CSMD1: variants seen among roughly 807,000 people sequenced by gnomAD.
CSMD1 encodes CUB and Sushi multiple domains 1.
Under a neutral mutation model 417.5 loss-of-function variants are expected in CSMD1, and 213 were observed. The ratio of observed to expected loss-of-function variants is 0.51; its 90% confidence interval spans 0.46 to 0.57. The LOEUF (loss-of-function observed/expected upper bound fraction) is 0.57. CSMD1 is among the 20% of genes least tolerant of loss of function. CSMD1 has a pLI of 0.00. For missense variants in CSMD1, 6,923 were observed against 4,529.7 expected, an observed-to-expected ratio of 1.53 and a Z score of -15.17; for synonymous variants, 2,862 against 1,736.8, an observed-to-expected ratio of 1.65 and a Z score of -16.11.
At chr8:4,353,622 G>C (rs373508194) in intron 3 of CSMD1, among the ~76,000 whole-genome samples, 1 of 151,894 alleles carries the variant, frequency 6.6e-6, no homozygotes, top group Admixed American at 6.6e-5. Context: ...AAAGAGCAGA[G>C]TCACGCCCAA....
rs144529298 is a variant in CSMD1, at chr8:4,044,501, G to C, written c.416-12402C>G. 1.9e-3 allele frequency among the ~76,000 whole-genome samples: 293 copies of C among 152,324 alleles called. 3 individuals are homozygous for C. Among genetic ancestry groups the C allele is most frequent in the African/African-American group, 6.9e-3 (287 of 41,566 alleles). On this transcript the variant is annotated intron_variant, in intron 3 of 69. Coordinates refer to ENST00000635120, the MANE Select transcript of CSMD1 (RefSeq NM_033225.6). ...TCTCAGGGGACCAGCGACCCCTCCA[G>C]AGGGAGGAAGGACAGTCAGGAGGAG...
At chr8:3,128,851 G>T (rs1363274102) in intron 41 of CSMD1, 4 of 454,652 alleles carry the variant, frequency 8.8e-6, no homozygotes, top group Non-Finnish European at 1.8e-5. Context: ...ATCTGGCTTG[G>T]AATGGGGTGT....
At chr8:3,221,529 AAAAC>A (rs35213930) in intron 28 of CSMD1, among the ~76,000 whole-genome samples, 30,780 of 150,164 alleles carry the variant, frequency 0.2, 3,250 homozygotes, top group Admixed American at 0.23. Flanking sequence ...CAGACACAGG[AAAAC>A]AAACAAACAA....
intron 3 of CSMD1, among the ~76,000 whole-genome samples, chr8:4,285,653 G>C (rs1585159164): frequency 6.6e-6 from 1 of 152,142 alleles, no homozygotes; most frequent in African/African-American, 2.4e-5. Context: ...GTTGGTCTTT[G>C]CTTTTCTTGA....
intron 6 of CSMD1, among the ~76,000 whole-genome samples, chr8:3,734,808 C>T (rs180902532): frequency 3.9e-5 from 6 of 152,306 alleles, no homozygotes; most frequent in South Asian, 2.1e-4. Flanking sequence ...GCTGAGGCCC[C>T]GTGACGGGGA....
intron 5 of CSMD1, among the ~76,000 whole-genome samples, chr8:3,955,315 C>G (rs1397124513): frequency 6.6e-6 from 1 of 152,190 alleles, no homozygotes; most frequent in Non-Finnish European, 1.5e-5. Context: ...CCAGTGTGTT[C>G]TTGGTGAAAC....
chr8:2,966,768 C>T, intron 57 of CSMD1, 22 bp from the exon 58 acceptor site: 1 of 1,608,974 alleles, frequency 6.2e-7, no homozygotes, highest in South Asian at 1.1e-5. Context: ...ACAAGAACAC[C>T]ACCACACACA....
At chr8:3,498,188 G>C (rs752472146) in intron 10 of CSMD1, among the ~76,000 whole-genome samples, 1 of 152,018 alleles carries the variant, frequency 6.6e-6, no homozygotes, top group Non-Finnish European at 1.5e-5. Context: ...GGAGCTTCTT[G>C]CTTATATTTG....
intron 24 of CSMD1, among the ~76,000 whole-genome samples, 155 bp downstream of exon 24, chr8:3,308,157 C>T (rs753980673): frequency 1.3e-5 from 2 of 151,708 alleles, no homozygotes; most frequent in South Asian, 4.2e-4. Context: ...AAAACACACA[C>T]TCACAGACAC....
In CSMD1 at chr8:3,234,728, AC is replaced by A. The variant is rs1190850027; in HGVS notation, c.4154-4498del. Among the ~76,000 whole-genome samples, 4 of 152,310 alleles carry A rather than the reference AC, an allele frequency of 2.6e-5. No individual in the cohort carries two copies. In the East Asian group the frequency reaches 7.7e-4, roughly 29 times the overall value. On this transcript the variant is annotated intron_variant, in intron 26 of 69. Transcript: ENST00000635120. ...ACAGTTAGAAAGTCACGAAGGTCTC[AC>A]CCATAAGCCACACATTTTTCTAACG...
chr8:4,194,884 A>G (rs1310575533), intron 3 of CSMD1, among the ~76,000 whole-genome samples: 6 of 152,148 alleles, frequency 3.9e-5, no homozygotes, highest in Non-Finnish European at 8.8e-5. Context: ...GGTCAGCCAC[A>G]TAATTAGAAC....
chr8:4,694,360 T>C (rs1025398292), intron 1 of CSMD1, among the ~76,000 whole-genome samples: 1 of 152,100 alleles, frequency 6.6e-6, no homozygotes, highest in Admixed American at 6.5e-5. Flanking sequence ...TTTATTTTTT[T>C]TATTTTTTTG....
intron 3 of CSMD1, among the ~76,000 whole-genome samples, chr8:4,403,537 C>T (rs1334747102): frequency 1.3e-5 from 2 of 152,104 alleles, no homozygotes; most frequent in African/African-American, 2.4e-5. Context: ...TATCATTCGC[C>T]AGGGCTGATC....
chr8:3,675,105 T>C (rs1458632376), intron 7 of CSMD1, among the ~76,000 whole-genome samples: 2 of 152,146 alleles, frequency 1.3e-5, no homozygotes, highest in African/African-American at 2.4e-5. Context: ...CTTGAAGAGA[T>C]GCAGTGGCCT....
At chr8:4,881,094 T>C (rs1398530677) in intron 1 of CSMD1, among the ~76,000 whole-genome samples, 1 of 152,064 alleles carries the variant, frequency 6.6e-6, no homozygotes, top group African/African-American at 2.4e-5. Context: ...CCAGCCCACA[T>C]TGTTCTTCCC....
intron 3 of CSMD1, among the ~76,000 whole-genome samples, chr8:4,316,508 A>G (rs1303745930): frequency 6.6e-6 from 1 of 152,182 alleles, no homozygotes; most frequent in African/African-American, 2.4e-5. Flanking sequence ...CTATACAAAT[A>G]GAACTATTAT....
At chr8:4,440,310 C>A (rs892928787) in intron 2 of CSMD1, among the ~76,000 whole-genome samples, 1 of 152,092 alleles carries the variant, frequency 6.6e-6, no homozygotes, top group Non-Finnish European at 1.5e-5. Flanking sequence ...ATGGAATCAG[C>A]TGGAAAGTCT....
intron 10 of CSMD1, among the ~76,000 whole-genome samples, chr8:3,526,498 G>C (rs1354453998): frequency 6.6e-6 from 1 of 152,140 alleles, no homozygotes; most frequent in Non-Finnish European, 1.5e-5. Flanking sequence ...TCTGGACCAA[G>C]CATCCTACAT....
At chr8:3,760,503 C>G (rs1258899221) in intron 5 of CSMD1, among the ~76,000 whole-genome samples, 1 of 152,180 alleles carries the variant, frequency 6.6e-6, no homozygotes, top group East Asian at 1.9e-4. Context: ...CATACTCCTA[C>G]TCATTCTTTC....
Sources: allele counts gnomAD v4.1 joint callset (sites outside exome capture counted in the v4.1 genomes callset), GRCh38; gene constraint gnomAD v4.1.1; transcripts MANE v1.5; gene names NCBI Gene and HGNC (gene_info 2026-07-23, HGNC 2026-07-21).